The following LGI2 variants were observed in gnomAD, a reference collection of about 807,000 sequenced individuals.
LGI2 encodes the protein leucine-rich repeat LGI family member 2.
A neutral mutation model predicts 52.0 loss-of-function variants in LGI2; 30 were observed. The ratio of observed to expected loss-of-function variants is 0.58; its 90% confidence interval spans 0.43 to 0.78. The LOEUF is 0.78. Ranked by LOEUF, LGI2 falls within the 30% of genes least tolerant of loss-of-function variation. The probability of loss-of-function intolerance (pLI) is 0.00; values close to 1 mark genes in which losing one functional copy is unlikely to be tolerated. For missense variants in LGI2, 573 were observed against 692.5 expected, an observed-to-expected ratio of 0.83 and a Z score of 1.94; for synonymous variants, 270 against 271.8, an observed-to-expected ratio of 0.99 and a Z score of 0.06.
chr4:24,993,664 C>G, the LGI2 span, among the ~76,000 whole-genome samples: 1 of 152,148 alleles, frequency 6.6e-6, no homozygotes, highest in Non-Finnish European at 1.5e-5. Flanking sequence ...GCTCAGCTAG[C>G]GTTTGTTTGA....
At chr4:25,026,773 A>C in intron 3 of LGI2, 95 bp downstream of exon 3, 1 of 968,234 alleles carries the variant, frequency 1.0e-6, no homozygotes, top group Non-Finnish European at 1.7e-6. Flanking sequence ...TCCACCCCTA[A>C]ACCCTTGCAG....
intron 1 of LGI2, among the ~76,000 whole-genome samples, chr4:25,029,569 C>T (rs1321671869): frequency 2.0e-5 from 3 of 152,208 alleles, no homozygotes; most frequent in African/African-American, 7.2e-5. Context: ...GAAACATGTC[C>T]TAGCAGTAAA....
intron 4 of LGI2, among the ~76,000 whole-genome samples, chr4:25,024,323 G>A (rs987883828): frequency 6.6e-6 from 1 of 152,170 alleles, no homozygotes; most frequent in Admixed American, 6.5e-5. Flanking sequence ...AGACCAGCCT[G>A]GCCAACATAG....
chr4:25,026,819 T>A lies in LGI2; in HGVS notation c.341+49A>T, dbSNP rs758232864. 7 of 1,436,384 alleles carry A rather than the reference T, an allele frequency of 4.9e-6. No homozygotes were observed. In the South Asian group the frequency reaches 5.7e-5, roughly 12 times the overall value. 89.0% of individuals were successfully genotyped at this position (1,436,384 alleles called of 1,614,324 possible). A position where few individuals can be genotyped will look rare whatever the true frequency, so the allele number is the denominator to read the frequency against. The stretch of plus-strand genomic sequence containing the variant: ...CCAGCACAGAAACCAATCCAGAAAT[T>A]CTACCAAGATACCGAATGTTCAGCA... On this transcript the variant is annotated intron_variant, in intron 3 of 7. Transcript: ENST00000382114.
chr4:25,018,572 G>A (rs10022509), intron 5 of LGI2, among the ~76,000 whole-genome samples: 22,603 of 152,134 alleles, frequency 0.15, 2,146 homozygotes, highest in East Asian at 0.28. Context: ...TTAAAACTAC[G>A]TCCAGTAGGC....
At chr4:25,022,766 C>G (rs1271827427) in intron 4 of LGI2, among the ~76,000 whole-genome samples, 1 of 152,208 alleles carries the variant, frequency 6.6e-6, no homozygotes, top group African/African-American at 2.4e-5. Context: ...CTTGTTCACA[C>G]CCTCCTGCTG....
downstream of LGI2, among the ~76,000 whole-genome samples, chr4:24,994,371 G>C (rs1724995408): frequency 6.6e-6 from 1 of 152,158 alleles, no homozygotes; most frequent in African/African-American, 2.4e-5. Context: ...GCCTTGTCCT[G>C]AATAGTTGAC....
chr4:25,003,742 G>T lies in LGI2; in HGVS notation c.1347C>A (p.Asn449Lys). Residue 449 changes from asparagine to lysine, a missense_variant, in exon 8 of 8, where the codon AAC (asparagine) becomes AAA (lysine). Transcript: ENST00000382114. The part of the protein sequence containing the change: ...FIGDSRVMRW[N>K]SKQFVEIQAL... ...CTTGGATCTCCACAAACTGCTTACT[G>T]TTCCACCTCATGACCCGGGAGTCCC... is the stretch of plus-strand genomic sequence containing the variant. The T allele has an allele frequency of 6.2e-7, 1 of 1,614,182 alleles. No individual in the cohort carries two copies. The highest frequency in any genetic ancestry group is 8.5e-7 in the Non-Finnish European group (1 of 1,180,038).
At position 25,004,551 on chromosome 4, in the gene LGI2, A is replaced by G. The variant is rs1725343549; in HGVS notation, c.821-283T>C. On this transcript the variant is annotated intron_variant, in intron 7 of 7. Transcript: ENST00000382114. This position sits in a 1 kb window ranked among gnomAD's most constrained non-coding sequence, Gnocchi z 4.6. ...TGCTCTCTCCAAATGCATATGATGA[A>G]ACCTCATCTCCAATGTGATGGTATT... Among the ~76,000 whole-genome samples the G allele has an allele frequency of 6.6e-6, 1 of 152,200 alleles. No homozygotes were observed. The highest frequency in any genetic ancestry group is 1.5e-5 in the Non-Finnish European group (1 of 68,034).
intron 7 of LGI2, 132 bp downstream of exon 7, chr4:25,012,203 T>C: frequency 1.0e-6 from 1 of 957,800 alleles, no homozygotes; most frequent in African/African-American, 1.6e-5. Flanking sequence ...GAGGGAAGGC[T>C]GGGACGTGTT....
At chr4:25,029,160 G>A (rs1417149068) in intron 1 of LGI2, among the ~76,000 whole-genome samples, 1 of 152,166 alleles carries the variant, frequency 6.6e-6, no homozygotes, top group Admixed American at 6.5e-5. Context: ...CTGCCCCCAG[G>A]CCCCCATCCT....
chr4:25,024,339 C>A (rs1418531657), intron 4 of LGI2, among the ~76,000 whole-genome samples: 4 of 152,156 alleles, frequency 2.6e-5, no homozygotes, highest in Non-Finnish European at 5.9e-5. Context: ...CATAGTGAGG[C>A]CCCGTCTCTA....
chr4:25,003,313 AG>A lies in LGI2; in HGVS notation c.*137del. 1 of 634,040 alleles carries A rather than the reference AG, an allele frequency of 1.6e-6. No individual in the cohort carries two copies. Among genetic ancestry groups the A allele is most frequent in the Non-Finnish European group, 2.6e-6 (1 of 379,524 alleles). 39.3% of individuals were successfully genotyped at this position (634,040 alleles called of 1,614,324 possible). On this transcript the variant is annotated 3_prime_UTR_variant, in exon 8 of 8. Transcript: ENST00000382114. The stretch of plus-strand genomic sequence containing the variant: ...CCCTGATTAAAATGTGAGTTCTAAA[AG>A]TTTGAAAACATCTAACTATTTCAGT...
At chr4:25,011,369 C>A (rs1306806602) in intron 7 of LGI2, among the ~76,000 whole-genome samples, 7 of 152,292 alleles carry the variant, frequency 4.6e-5, no homozygotes, top group Admixed American at 3.3e-4. Context: ...CACGGGGAGG[C>A]CAGATGGCCC....
chr4:25,003,582 T>C lies in LGI2; in HGVS notation c.1507A>G (p.Lys503Glu). ...CGAGGCGCCTGCACGTAAATCTCCT[T>C]AAACTTTTTGAATAGCTGCTTCTCT... The part of the protein sequence containing the change: ...DKEKQLFKKF[K>E]EIYVQAPRSF... Residue 503 changes from lysine to glutamate, a missense_variant, in exon 8 of 8, where the codon AAG becomes GAG. Coordinates refer to ENST00000382114, the MANE Select transcript of LGI2 (RefSeq NM_018176.4). 1 of 1,614,214 alleles carries C rather than the reference T, an allele frequency of 6.2e-7. No individual in the cohort carries two copies. The highest frequency in any genetic ancestry group is 8.5e-7 in the Non-Finnish European group (1 of 1,180,030).
At chr4:25,010,908 C>T (rs1488709773) in intron 7 of LGI2, among the ~76,000 whole-genome samples, 1 of 151,564 alleles carries the variant, frequency 6.6e-6, no homozygotes, top group Non-Finnish European at 1.5e-5. Flanking sequence ...CATAGTGAGA[C>T]CCTGTCTCTA....
chr4:25,012,466 G>C lies in LGI2; in HGVS notation c.689C>G (p.Ser230Trp). 1 of 1,614,194 alleles carries C rather than the reference G, an allele frequency of 6.2e-7. No individual in the cohort carries two copies. The highest frequency in any genetic ancestry group is 8.5e-7 in the Non-Finnish European group (1 of 1,180,036). The change falls in exon 7 of 8, where the codon TCG (serine) becomes TGG (tryptophan). Residue 230 changes from serine to tryptophan, a missense_variant. Physicochemically the swap from Ser to Trp is radical, Grantham distance 177. Transcript: ENST00000382114. ...GGAGTTGAACGTATCCACTGAAACC[G>C]ACTGGTAGGGTAAAGTCTGATGAAC... ...FVVHQTLPYQ[S>W]VSVDTFNSKN...
rs1396363454 is a variant in LGI2, at chr4:25,003,270, T to C, written c.*181A>G. 10 of 536,244 alleles carry C rather than the reference T, an allele frequency of 1.9e-5. No individual in the cohort carries two copies. Among genetic ancestry groups the C allele is most frequent in the Non-Finnish European group, 3.2e-5 (10 of 309,194 alleles). 33.2% of individuals were successfully genotyped at this position (536,244 alleles called of 1,614,324 possible). On this transcript the variant is annotated 3_prime_UTR_variant, in exon 8 of 8. Coordinates refer to ENST00000382114, the MANE Select transcript of LGI2 (RefSeq NM_018176.4). ...ATGGTAGAATGGGCATGTCATGCAG[T>C]TAGCCAATAAATGCAATCCCTGATT...
At chr4:25,021,067 AC>A (rs1725942304) in intron 4 of LGI2, among the ~76,000 whole-genome samples, 1 of 151,830 alleles carries the variant, frequency 6.6e-6, no homozygotes, top group South Asian at 2.1e-4. Flanking sequence ...ATTGAAAGTT[AC>A]TGTATTGATA....
Sources: allele counts gnomAD v4.1 joint callset (sites outside exome capture counted in the v4.1 genomes callset), GRCh38; gene constraint gnomAD v4.1.1; non-coding constraint Gnocchi (gnomAD v3.1); transcripts MANE v1.5; gene names NCBI Gene and HGNC (gene_info 2026-07-23, HGNC 2026-07-21).